HK1: variants seen among roughly 807,000 people sequenced by gnomAD.
The protein encoded by HK1 is hexokinase 1, also known as hexokinase-1.
In HK1, 28 loss-of-function variants were observed where a neutral mutation model predicts 91.6. The ratio of observed to expected loss-of-function variants is 0.31; its 90% CI spans 0.23 to 0.42. HK1 has a LOEUF of 0.42. HK1 is among the 10% of genes least tolerant of loss of function. HK1 has a pLI of 1.00. For missense variants in HK1, 770 were observed against 1,219.8 expected, an observed-to-expected ratio of 0.63 and a Z score of 5.49; for synonymous variants, 430 against 468.1, an observed-to-expected ratio of 0.92 and a Z score of 1.05.
chr10:69,392,455 T>G (rs1839937937), intron 15 of HK1, 147 bp downstream of exon 15: 4 of 825,996 alleles, frequency 4.8e-6, no homozygotes, highest in Admixed American at 2.1e-5. Flanking sequence ...CTCCTGACCT[T>G]TGTCTTTTGG....
chr10:69,367,851 G>T (rs965035295), intron 4 of HK1, among the ~76,000 whole-genome samples: 1 of 152,174 alleles, frequency 6.6e-6, no homozygotes, highest in Non-Finnish European at 1.5e-5. Flanking sequence ...AAAGCAATAT[G>T]TAAAACTATC....
intron 2 of HK1, among the ~76,000 whole-genome samples, chr10:69,350,838 C>T (rs1848817018): frequency 6.6e-6 from 1 of 152,108 alleles, no homozygotes; most frequent in South Asian, 2.1e-4. Flanking sequence ...GTTTATCAGA[C>T]TGAGCTTTCA....
chr10:69,368,425 A>G (rs944852841), intron 4 of HK1, 111 bp from the exon 5 acceptor site: 1 of 882,772 alleles, frequency 1.1e-6, no homozygotes. Context: ...GGGAGGAGCC[A>G]CTTGGCCCCT....
chr10:69,305,064 C>T (rs1191283704), intron 5 of HK1, among the ~76,000 whole-genome samples: 3 of 152,152 alleles, frequency 2.0e-5, no homozygotes, highest in Non-Finnish European at 2.9e-5. Flanking sequence ...TGGTCATCTT[C>T]TTTCTGTGTA....
chr10:69,325,889 C>CA (rs1847337447), intron 1 of HK1, among the ~76,000 whole-genome samples: 1 of 150,602 alleles, frequency 6.6e-6, no homozygotes. Flanking sequence ...GGTTGTAGTA[C>CA]AGTAGCACGA....
rs923640684 is a variant in HK1, at chr10:69,401,188, C to T, written c.*53C>T. 1.1e-4 allele frequency: 171 copies of T among 1,575,168 alleles called. No individual in the cohort carries two copies. The highest frequency in any genetic ancestry group is 4.4e-4 in the East Asian group (19 of 42,978). On this transcript the variant is annotated 3_prime_UTR_variant, in exon 18 of 18. Transcript: ENST00000359426. ...CTCCAGCACTTCTCTCTTCAAGCGG[C>T]GACCCCCTACCCTCCCAGCGAGTTG...
chr10:69,352,903 AT>A (rs1277044648), intron 2 of HK1, among the ~76,000 whole-genome samples: 7 of 152,244 alleles, frequency 4.6e-5, no homozygotes, highest in African/African-American at 1.4e-4. Context: ...TAAAACTGTT[AT>A]TAAAAAAACA....
intron 12 of HK1, among the ~76,000 whole-genome samples, chr10:69,385,166 C>A (rs549983475): frequency 3.1e-4 from 47 of 152,222 alleles, no homozygotes; most frequent in Non-Finnish European, 5.7e-4. Flanking sequence ...AGAACCTCAT[C>A]CTCTTCTGTG....
Position 69,384,637 on chromosome 10 carries a change from C to A in HK1, c.1719+156C>A, listed in dbSNP as rs1441152558. 2.9e-6 allele frequency: 4 copies of A among 1,401,436 alleles called. No individual in the cohort carries two copies. The African/African-American group carries it at 4.2e-5, about 15-fold the overall frequency. 86.8% of individuals were successfully genotyped at this position (1,401,436 alleles called of 1,614,324 possible). Reference sequence around the variant, plus strand: ...GCTTTTTGCCATGCCTGGCTTGTGACACTCTGGTGGCTGAGAAGATTCTGG... The same window carrying A: ...GCTTTTTGCCATGCCTGGCTTGTGAAACTCTGGTGGCTGAGAAGATTCTGG... On this transcript the variant is annotated intron_variant, in intron 11 of 17. Coordinates refer to ENST00000359426, the MANE Select transcript of HK1 (RefSeq NM_000188.3).
intron 10 of HK1, among the ~76,000 whole-genome samples, chr10:69,383,668 G>A (rs1169349868): frequency 6.6e-6 from 1 of 152,254 alleles, no homozygotes; most frequent in Non-Finnish European, 1.5e-5. Context: ...AGTCAGCTGG[G>A]AGGCAGATCT....
chr10:69,316,524 C>T (rs1397337569), upstream of HK1, among the ~76,000 whole-genome samples: 1 of 152,232 alleles, frequency 6.6e-6, no homozygotes, highest in Admixed American at 6.5e-5. Flanking sequence ...GGCCTGGTTG[C>T]ATTCATGGAG....
At chr10:69,351,991 T>G (rs1848897182) in intron 2 of HK1, among the ~76,000 whole-genome samples, 1 of 144,230 alleles carries the variant, frequency 6.9e-6, no homozygotes, top group African/African-American at 2.7e-5. Context: ...TTTCAGTTAT[T>G]TCAATTTTTT....
At chr10:69,354,830 G>A (rs1849049277) in intron 2 of HK1, among the ~76,000 whole-genome samples, 1 of 152,108 alleles carries the variant, frequency 6.6e-6, no homozygotes, top group Non-Finnish European at 1.5e-5. Context: ...CACTTTGGGA[G>A]GCCAAGGCAG....
chr10:69,362,826 C>T (rs753283977), intron 3 of HK1, among the ~76,000 whole-genome samples: 25 of 152,126 alleles, frequency 1.6e-4, no homozygotes, highest in African/African-American at 2.9e-4. Context: ...CAATGTAGGT[C>T]GCAGGAAGCT....
intron 3 of HK1, among the ~76,000 whole-genome samples, chr10:69,360,729 G>A (rs1455981006): frequency 1.3e-5 from 2 of 152,182 alleles, no homozygotes; most frequent in Non-Finnish European, 2.9e-5. Context: ...CTCTCTGGGT[G>A]CGGGGAGTGG....
intron 1 of HK1, chr10:69,338,283 C>T (rs1848101402): frequency 1.7e-6 from 2 of 1,177,094 alleles, no homozygotes; most frequent in Non-Finnish European, 2.1e-6. Context: ...GGACAGAGGC[C>T]CTGGAGGCTG....
intron 2 of HK1, among the ~76,000 whole-genome samples, chr10:69,358,521 A>G (rs575420788): frequency 6.6e-6 from 1 of 152,328 alleles, no homozygotes; most frequent in African/African-American, 2.4e-5. Context: ...AGATGAAAGG[A>G]TAAACAAAAT....
chr10:69,378,828 G>A (rs770758681), intron 8 of HK1, among the ~76,000 whole-genome samples: 9 of 152,058 alleles, frequency 5.9e-5, no homozygotes, highest in Admixed American at 2.6e-4. Flanking sequence ...TCCTATTCTC[G>A]TATTACCTTA....
intron 2 of HK1, among the ~76,000 whole-genome samples, chr10:69,355,152 C>T (rs2132736604): frequency 6.6e-6 from 1 of 151,214 alleles, no homozygotes; most frequent in African/African-American, 2.4e-5. Flanking sequence ...TTCTTTATAC[C>T]TTCATTAATT....
Sources: allele counts gnomAD v4.1 joint callset (sites outside exome capture counted in the v4.1 genomes callset), GRCh38; gene constraint gnomAD v4.1.1; transcripts MANE v1.5; gene names NCBI Gene and HGNC (gene_info 2026-07-23, HGNC 2026-07-21).